The following SYNPO variants were observed in gnomAD, a reference collection of about 807,000 sequenced individuals.
SYNPO encodes synaptopodin.
SYNPO carries 19 observed loss-of-function variants against 49.5 expected under a neutral mutation model. The observed-to-expected ratio is 0.38, with a 90% CI of 0.27 to 0.56. The LOEUF (loss-of-function observed/expected upper bound fraction) is 0.56, where lower values mean the gene tolerates loss of function less well. Ranked by LOEUF, SYNPO falls within the 20% of genes least tolerant of loss-of-function variation. The probability of loss-of-function intolerance (pLI) is 0.68; values close to 1 mark genes in which losing one functional copy is unlikely to be tolerated. For missense variants in SYNPO, 1,131 were observed against 1,248.3 expected, an observed-to-expected ratio of 0.91 and a Z score of 1.42; for synonymous variants, 536 against 548.0, an observed-to-expected ratio of 0.98 and a Z score of 0.31.
rs1404774029 is a variant in SYNPO at position 150,652,250 on chromosome 5, C to T, written c.2028+1947C>T. 3.2e-5 allele frequency: 32 copies of T among 1,000,432 alleles called. No homozygotes were observed. In the South Asian group the frequency reaches 7.5e-4, roughly 23 times the overall value. 62.0% of individuals were successfully genotyped at this position (1,000,432 alleles called of 1,614,324 possible). A position where few individuals can be genotyped will look rare whatever the true frequency, so the allele number is the denominator to read the frequency against. ...CTTGAGGGCCACCAATGGAAGAGCC[C>T]GCCCTTCATTCTGCAGCTCCTGCGG... On this transcript the variant is annotated intron_variant, in intron 2 of 2. Coordinates refer to ENST00000307662, the MANE Select transcript of SYNPO (RefSeq NM_007286.6).
At position 150,621,397 on chromosome 5, in the gene SYNPO, T is replaced by C. The variant is rs557223201; in HGVS notation, c.400+2630T>C. On this transcript the variant is annotated intron_variant, in intron 2 of 2. Transcript: ENST00000394243. ...AGATGGAGGCAGGAAGGAAGCTGGG[T>C]CTTGCAGGAGAGTCAAAATCCGGTG... Among the ~76,000 whole-genome samples, 29 of 152,224 alleles carry C rather than the reference T, an allele frequency of 1.9e-4. No homozygotes were observed. In the East Asian group the frequency reaches 5.2e-3, roughly 27 times the overall value.
upstream of SYNPO, among the ~76,000 whole-genome samples, chr5:150,636,694 C>T (rs1204662361): frequency 1.3e-5 from 2 of 152,054 alleles, no homozygotes; most frequent in Non-Finnish European, 2.9e-5. Context: ...TCAGCAGCCT[C>T]CAGCACCCCA....
At chr5:150,610,413 T>C (rs2151350643) in intron 1 of SYNPO, among the ~76,000 whole-genome samples, 1 of 152,334 alleles carries the variant, frequency 6.6e-6, no homozygotes, top group East Asian at 1.9e-4. Flanking sequence ...CTTGGTCATT[T>C]TCCTGCTCTG....
chr5:150,617,187 G>A lies in SYNPO; in HGVS notation c.-265-916G>A, dbSNP rs553098766. Among the ~76,000 whole-genome samples the A allele has an allele frequency of 2.1e-3, 317 of 152,282 alleles. 1 individual carries two copies. The highest frequency in any genetic ancestry group is 3.4e-3 in the Non-Finnish European group (228 of 68,012). Reference sequence around the variant, plus strand: ...ATACCCATTTTACAGACGGGGAAGTGGAGGTTTAGAGAGGTCCTGTGGCTG... The same window carrying A: ...ATACCCATTTTACAGACGGGGAAGTAGAGGTTTAGAGAGGTCCTGTGGCTG... On this transcript the variant is annotated intron_variant, in intron 1 of 2. Coordinates refer to the SYNPO transcript ENST00000394243.
chr5:150,619,520 C>A (rs552973182), intron 2 of SYNPO, among the ~76,000 whole-genome samples: 3 of 152,158 alleles, frequency 2.0e-5, no homozygotes, highest in African/African-American at 7.2e-5. Flanking sequence ...TTTCCTGCAG[C>A]GGCTGCTGTC....
chr5:150,655,170 T>C (rs534339759), intron 2 of SYNPO, among the ~76,000 whole-genome samples: 5 of 152,216 alleles, frequency 3.3e-5, no homozygotes, highest in African/African-American at 4.8e-5. Flanking sequence ...ATTTTGATAA[T>C]AGATAATACA....
chr5:150,617,088 A>G (rs1406045671), intron 1 of SYNPO, among the ~76,000 whole-genome samples: 1 of 152,222 alleles, frequency 6.6e-6, no homozygotes, highest in Non-Finnish European at 1.5e-5. Flanking sequence ...GGTATGGCTT[A>G]GAAACTGTGC....
intron 2 of SYNPO, among the ~76,000 whole-genome samples, chr5:150,620,941 CTTTCT>C (rs1554108208): frequency 9.7e-6 from 1 of 103,038 alleles, no homozygotes; most frequent in Non-Finnish European, 1.9e-5. Flanking sequence ...TTCTTTCTTT[CTTTCT>C]TTTCTTTTCT....
intron 2 of SYNPO, chr5:150,624,874 C>A: frequency 2.0e-6 from 2 of 985,278 alleles, no homozygotes; most frequent in Non-Finnish European, 2.4e-6. Context: ...GCGGCGGCGC[C>A]CGGGAGCTCG....
At chr5:150,599,014 C>T (rs1407475306), upstream of SYNPO, among the ~76,000 whole-genome samples, 2 of 152,198 alleles carry the variant, frequency 1.3e-5, no homozygotes, top group Non-Finnish European at 2.9e-5. Context: ...GACACGGAAG[C>T]GCTTGTTCAG....
At chr5:150,594,535 T>C in the SYNPO span, among the ~76,000 whole-genome samples, 1 of 152,202 alleles carries the variant, frequency 6.6e-6, no homozygotes, top group Non-Finnish European at 1.5e-5. Flanking sequence ...GCCATCTCAC[T>C]GTGTGGCCTT....
upstream of SYNPO, among the ~76,000 whole-genome samples, chr5:150,637,162 G>A (rs1392729523): frequency 6.6e-6 from 1 of 152,214 alleles, no homozygotes; most frequent in Non-Finnish European, 1.5e-5. Context: ...GATGGGGGAA[G>A]AACTGGCTGC....
chr5:150,626,227 C>G (rs1168661398), intron 2 of SYNPO, among the ~76,000 whole-genome samples: 2 of 152,164 alleles, frequency 1.3e-5, no homozygotes, highest in Non-Finnish European at 2.9e-5. Context: ...CCACTACTTG[C>G]CATATTGTCT....
At chr5:150,596,987 C>T (rs74444590), upstream of SYNPO, among the ~76,000 whole-genome samples, 1,177 of 152,328 alleles carry the variant, frequency 7.7e-3, 11 homozygotes, top group African/African-American at 0.027. Flanking sequence ...AGGACTGGCA[C>T]CTGCTTGCAG....
chr5:150,598,088 G>A (rs1756456121), upstream of SYNPO, among the ~76,000 whole-genome samples: 1 of 152,092 alleles, frequency 6.6e-6, no homozygotes. Context: ...AATACCCACT[G>A]CCCTCGCAAC....
intron 1 of SYNPO, among the ~76,000 whole-genome samples, chr5:150,606,141 C>T (rs1756687846): frequency 6.6e-6 from 1 of 152,172 alleles, no homozygotes; most frequent in African/African-American, 2.4e-5. Context: ...GATTCACATA[C>T]AAACATACAC....
At chr5:150,650,981 G>T (rs1758359398) in intron 2 of SYNPO, 1 of 1,248,804 alleles carries the variant, frequency 8.0e-7, no homozygotes, top group Non-Finnish European at 1.0e-6. Flanking sequence ...CACCACTGCT[G>T]TCTGACGCTT....
Position 150,657,328 on chromosome 5 carries a change from T to G in SYNPO, c.*241T>G. 3.6e-6 allele frequency: 2 copies of G among 556,810 alleles called. No individual in the cohort carries two copies. The highest frequency in any genetic ancestry group is 6.3e-6 in the Non-Finnish European group (2 of 315,526). 34.5% of individuals were successfully genotyped at this position (556,810 alleles called of 1,614,324 possible). A position where few individuals can be genotyped will look rare whatever the true frequency, so the allele number is the denominator to read the frequency against. On this transcript the variant is annotated 3_prime_UTR_variant, in exon 3 of 3. Coordinates refer to ENST00000307662, the MANE Select transcript of SYNPO (RefSeq NM_007286.6). ...TTTGACCCTCAGCTTTCCCATCTGT[T>G]TAATGGTGGCTTTGGCCAAGGCAAT...
intron 1 of SYNPO, among the ~76,000 whole-genome samples, chr5:150,611,291 G>C (rs1303856642): frequency 6.6e-6 from 1 of 152,178 alleles, no homozygotes; most frequent in Non-Finnish European, 1.5e-5. Context: ...ACTTAAAATA[G>C]TGATGGCACT....
Sources: allele counts gnomAD v4.1 joint callset (sites outside exome capture counted in the v4.1 genomes callset), GRCh38; gene constraint gnomAD v4.1.1; transcripts MANE v1.5; gene names NCBI Gene and HGNC (gene_info 2026-07-23, HGNC 2026-07-21).